KDSR: variants seen among roughly 807,000 people sequenced by gnomAD.
The protein encoded by KDSR is 3-ketodihydrosphingosine reductase.
A neutral mutation model predicts 41.3 loss-of-function variants in KDSR; 23 were observed. That is an observed-to-expected ratio of 0.56 (90% confidence interval 0.40 to 0.79). KDSR has a LOEUF of 0.79. KDSR is among the 30% of genes least tolerant of loss of function. The pLI is 0.00. For missense variants in KDSR, 351 were observed against 416.8 expected, an observed-to-expected ratio of 0.84 and a Z score of 1.37; for synonymous variants, 138 against 151.7, an observed-to-expected ratio of 0.91 and a Z score of 0.66.
At chr18:63,352,554 G>C (rs1255337747) in intron 5 of KDSR, among the ~76,000 whole-genome samples, 3 of 152,048 alleles carry the variant, frequency 2.0e-5, no homozygotes, top group Non-Finnish European at 4.4e-5. Flanking sequence ...GACCTCAAGT[G>C]ATCTGCCTGC....
chr18:63,332,098 T>C (rs1914020647), intron 9 of KDSR, among the ~76,000 whole-genome samples, 197 bp from the exon 10 acceptor site: 1 of 152,198 alleles, frequency 6.6e-6, no homozygotes, highest in South Asian at 2.1e-4. Flanking sequence ...CCCAGATACA[T>C]AACAAAATAT....
chr18:63,362,933 A>C, intron 1 of KDSR, 65 bp from the exon 2 acceptor site: 1 of 1,044,244 alleles, frequency 9.6e-7, no homozygotes, highest in Non-Finnish European at 1.5e-6. Flanking sequence ...GTTTTTATAA[A>C]AAACAACTAT....
Position 63,367,187 on chromosome 18 carries a change from T to G in KDSR, c.-69A>C, listed in dbSNP as rs402348. On this transcript the variant is annotated 5_prime_UTR_variant, in exon 1 of 10. Transcript: ENST00000645214. Reference sequence around the variant, plus strand: ...CCGGGCAAGGCGCGCAGGGCTGGGCTGCGGCGAGGCGAGAATCACGCGCGG... The same window carrying G: ...CCGGGCAAGGCGCGCAGGGCTGGGCGGCGGCGAGGCGAGAATCACGCGCGG... 185,660 of 783,750 alleles carry G rather than the reference T, an allele frequency of 0.24. 28,841 individuals are homozygous for G. The highest frequency in any genetic ancestry group is 0.68 in the African/African-American group (36,899 of 54,080). 48.5% of individuals were successfully genotyped at this position (783,750 alleles called of 1,614,324 possible).
At chr18:63,360,997 A>ATAC (rs1914947689) in intron 2 of KDSR, among the ~76,000 whole-genome samples, 6 of 101,258 alleles carry the variant, frequency 5.9e-5, no homozygotes, top group South Asian at 3.5e-4. Flanking sequence ...TCTACTAAAA[A>ATAC]AAAAATATAT....
At chr18:63,366,004 G>A (rs920478412) in intron 1 of KDSR, 1 of 152,170 alleles carries the variant, frequency 6.6e-6, no homozygotes, top group Non-Finnish European at 1.5e-5. Context: ...TCGGATCTCC[G>A]GTGCAGAGAT....
At chr18:63,358,867 GC>G (rs1255768850) in intron 3 of KDSR, among the ~76,000 whole-genome samples, 1 of 145,446 alleles carries the variant, frequency 6.9e-6, no homozygotes, top group Non-Finnish European at 1.5e-5. Flanking sequence ...AGAGTTATGT[GC>G]ATATATGGTA....
chr18:63,355,831 T>G (rs1914779800), intron 3 of KDSR, among the ~76,000 whole-genome samples: 1 of 152,190 alleles, frequency 6.6e-6, no homozygotes, highest in East Asian at 1.9e-4. Context: ...GATCAGGGGT[T>G]GCCCACAGCC....
chr18:63,333,680 T>C (rs1914078782), intron 9 of KDSR, among the ~76,000 whole-genome samples: 1 of 152,158 alleles, frequency 6.6e-6, no homozygotes, highest in African/African-American at 2.4e-5. Flanking sequence ...ACCTTTTATA[T>C]AAAACCTAAT....
intron 7 of KDSR, among the ~76,000 whole-genome samples, chr18:63,339,362 AG>A (rs1266595767): frequency 2.0e-5 from 3 of 152,240 alleles, no homozygotes; most frequent in Non-Finnish European, 2.9e-5. Flanking sequence ...CGCCCAAGGC[AG>A]GGACAGTCGC....
chr18:63,366,971 G>A, intron 1 of KDSR, 40 bp downstream of exon 1: 2 of 1,143,210 alleles, frequency 1.7e-6, no homozygotes, highest in Non-Finnish European at 2.3e-6. Context: ...AAGGCCGCGC[G>A]GGCCGGTAAG....
rs1039582479 is a variant in KDSR at position 63,330,916 on chromosome 18, A to G, written c.*866T>C. On this transcript the variant is annotated 3_prime_UTR_variant, in exon 10 of 10. Transcript: ENST00000645214. ...AAATGGGATAGGTGAACTTCAGGTC[A>G]TCATGGTTATTGAAGGAACTGTAAA... The G allele has an allele frequency of 1.3e-5, 3 of 229,848 alleles. No individual in the cohort carries two copies. The highest frequency in any genetic ancestry group is 2.6e-5 in the Non-Finnish European group (3 of 115,842). The allele number at this position is 229,848 out of a possible 1,614,324, so 14.2% of individuals were successfully genotyped here.
rs368666331 is a variant in KDSR at position 63,329,463 on chromosome 18, C to T, written c.*2319G>A. 1 of 206,184 alleles carries T rather than the reference C, an allele frequency of 4.9e-6. No individual in the cohort carries two copies. Among genetic ancestry groups the T allele is most frequent in the Non-Finnish European group, 9.9e-6 (1 of 100,930 alleles). The allele number at this position is 206,184 out of a possible 1,614,324, so 12.8% of individuals were successfully genotyped here. On this transcript the variant is annotated 3_prime_UTR_variant, in exon 10 of 10. Coordinates refer to ENST00000645214, the MANE Select transcript of KDSR (RefSeq NM_002035.4). ...AATTACGGTATCAAATTTAGAAAAA[C>T]ACAAACCAACTTAGATTTCGAAGTT...
chr18:63,359,654 T>C, intron 3 of KDSR, 82 bp downstream of exon 3: 2 of 890,176 alleles, frequency 2.2e-6, no homozygotes, highest in Non-Finnish European at 1.9e-6. Context: ...AATTAACTAT[T>C]CACAGGTGAA....
chr18:63,360,389 G>T (rs374617), intron 2 of KDSR, among the ~76,000 whole-genome samples: 19,664 of 152,168 alleles, frequency 0.13, 1,730 homozygotes, highest in East Asian at 0.5. Context: ...ACAGATATCA[G>T]ATTATCTTAA....
At chr18:63,348,561 T>C (rs1040167334) in intron 6 of KDSR, among the ~76,000 whole-genome samples, 6 of 152,128 alleles carry the variant, frequency 3.9e-5, no homozygotes, top group Non-Finnish European at 8.8e-5. Context: ...TTTTCTTTTT[T>C]TTAAGTGAGG....
At chr18:63,363,852 A>T (rs1048356389) in intron 1 of KDSR, among the ~76,000 whole-genome samples, 4 of 152,196 alleles carry the variant, frequency 2.6e-5, no homozygotes, top group Non-Finnish European at 5.9e-5. Flanking sequence ...ATTATTCCTA[A>T]TATTCACTGT....
chr18:63,330,294 G>A lies in KDSR; in HGVS notation c.*1488C>T, dbSNP rs753426065. ...TCAAAAACAGAGGTCTTTTCTCACCGAAGTGATCTGGAATGTGCTACCGTA... is the reference window on the plus strand; with the variant it reads ...TCAAAAACAGAGGTCTTTTCTCACCAAAGTGATCTGGAATGTGCTACCGTA... On this transcript the variant is annotated 3_prime_UTR_variant, in exon 10 of 10. Transcript: ENST00000645214. The A allele has an allele frequency of 9.2e-6, 2 of 216,282 alleles. No homozygotes were observed. Among genetic ancestry groups the A allele is most frequent in the Non-Finnish European group, 1.9e-5 (2 of 107,494 alleles). 13.4% of individuals were successfully genotyped at this position (216,282 alleles called of 1,614,324 possible). A position where few individuals can be genotyped will look rare whatever the true frequency, so the allele number is the denominator to read the frequency against.
intron 7 of KDSR, among the ~76,000 whole-genome samples, chr18:63,340,055 A>C (rs569989016): frequency 2.6e-5 from 4 of 152,206 alleles, no homozygotes; most frequent in Non-Finnish European, 4.4e-5. Context: ...CTAAATACAC[A>C]TAAGATTCTA....
intron 7 of KDSR, among the ~76,000 whole-genome samples, chr18:63,341,157 G>T (rs1272657880): frequency 6.6e-6 from 1 of 151,058 alleles, no homozygotes; most frequent in Non-Finnish European, 1.5e-5. Context: ...ATTTCAGGAA[G>T]CCGGAAAAAA....
Sources: gnomAD v4.1 joint callset for allele counts (sites outside exome capture counted in the v4.1 genomes callset) on GRCh38, gnomAD v4.1.1 for gene constraint, MANE v1.5 for transcripts, NCBI Gene and HGNC (gene_info 2026-07-23, HGNC 2026-07-21) for gene names.